Variants in DRAM1 observed in about 807,000 individuals in gnomAD.
DRAM1 encodes DNA damage regulated autophagy modulator 1.
DRAM1 carries 25 observed loss-of-function variants against 28.5 expected under a neutral mutation model. That is an observed-to-expected ratio of 0.88 (90% CI 0.64 to 1.23). DRAM1 has a LOEUF of 1.23. DRAM1 is among the 50% of genes most tolerant of loss of function. DRAM1 has a pLI of 0.00. For missense variants in DRAM1, 249 were observed against 299.2 expected, an observed-to-expected ratio of 0.83 and a Z score of 1.24; for synonymous variants, 113 against 114.2, an observed-to-expected ratio of 0.99 and a Z score of 0.07.
intron 1 of DRAM1, among the ~76,000 whole-genome samples, chr12:101,879,474 T>C (rs778442584): frequency 6.6e-6 from 1 of 152,208 alleles, no homozygotes; most frequent in African/African-American, 2.4e-5. Flanking sequence ...AGAGACAAAG[T>C]CTCACTATAT....
rs538033062 is a variant in DRAM1 at position 101,904,720 on chromosome 12, C to T, written c.342+3287C>T. Among the ~76,000 whole-genome samples, 13 of 152,034 alleles carry T rather than the reference C, an allele frequency of 8.6e-5. No individual in the cohort carries two copies. The South Asian group carries it at 2.7e-3, about 32-fold the overall frequency. On this transcript the variant is annotated intron_variant, in intron 3 of 6. Coordinates refer to ENST00000258534, the MANE Select transcript of DRAM1 (RefSeq NM_018370.3). The stretch of plus-strand genomic sequence containing the variant: ...CCTCCCAAAGTGCTGGGATTACAGG[C>T]GTGAGCCACCGCGCCTGGCTGATAG...
In DRAM1 at chr12:101,922,944, A is replaced by G. The variant is rs1566135325; in HGVS notation, c.*1684A>G. The G allele has an allele frequency of 6.6e-6, 1 of 152,086 alleles. No individual in the cohort carries two copies. The highest frequency in any genetic ancestry group is 1.9e-4 in the East Asian group (1 of 5,178). The allele number at this position is 152,086 out of a possible 1,614,324, so 9.4% of individuals were successfully genotyped here. A position where few individuals can be genotyped will look rare whatever the true frequency, so the allele number is the denominator to read the frequency against. ...AAAATCCCATCTCTACAACAAAAAT[A>G]CAAAAATTAGCCAAGTGCGGTGGTG... On this transcript the variant is annotated 3_prime_UTR_variant, in exon 7 of 7. Coordinates refer to ENST00000258534, the MANE Select transcript of DRAM1 (RefSeq NM_018370.3).
intron 1 of DRAM1, among the ~76,000 whole-genome samples, chr12:101,879,384 G>A (rs1489737568): frequency 6.6e-6 from 1 of 152,220 alleles, no homozygotes; most frequent in Non-Finnish European, 1.5e-5. Flanking sequence ...GCCTATGAAA[G>A]GAGATGTTAT....
At chr12:101,878,407 T>C (rs1872573980) in intron 1 of DRAM1, among the ~76,000 whole-genome samples, 1 of 152,198 alleles carries the variant, frequency 6.6e-6, no homozygotes, top group Non-Finnish European at 1.5e-5. Context: ...AACGTGACAC[T>C]GATGTCACAC....
At chr12:101,897,035 C>T (rs1873402416) in intron 1 of DRAM1, among the ~76,000 whole-genome samples, 2 of 152,102 alleles carry the variant, frequency 1.3e-5, no homozygotes, top group Non-Finnish European at 2.9e-5. Flanking sequence ...GATCCGCCCG[C>T]CTCAGCCTCC....
chr12:101,881,470 A>T (rs1426676511), intron 1 of DRAM1, among the ~76,000 whole-genome samples: 3 of 152,010 alleles, frequency 2.0e-5, no homozygotes, highest in African/African-American at 7.2e-5. Context: ...CTTGAGATTA[A>T]AAGTGTGCAC....
Position 101,920,104 on chromosome 12 carries a change from A to G in DRAM1, c.580-5A>G. On this transcript the variant is annotated splice_region_variant and splice_polypyrimidine_tract_variant and intron_variant, in intron 5 of 6. Transcript: ENST00000258534. ...CTAAATTCTGTTTCTTTATTATTGC[A>G]TTAGGATTATGTATATCACGTAGTG... is the stretch of plus-strand genomic sequence containing the variant. The G allele has an allele frequency of 3.8e-6, 6 of 1,582,184 alleles. No homozygotes were observed. Among genetic ancestry groups the G allele is most frequent in the South Asian group, 1.2e-5 (1 of 84,640 alleles).
At position 101,901,285 on chromosome 12, in the gene DRAM1, T is replaced by C. The variant is rs1274102799; in HGVS notation, c.200-6T>C. The C allele has an allele frequency of 1.2e-6, 2 of 1,607,610 alleles. No homozygotes were observed. The highest frequency in any genetic ancestry group is 4.5e-5 in the East Asian group (2 of 44,814). On this transcript the variant is annotated splice_region_variant and splice_polypyrimidine_tract_variant and intron_variant, in intron 2 of 6. Coordinates refer to ENST00000258534, the MANE Select transcript of DRAM1 (RefSeq NM_018370.3). ...GAACATTCATCAAAGTTCTCTTCTT[T>C]TTCAGGTGCAGCCACGATGTATACA...
intron 2 of DRAM1, among the ~76,000 whole-genome samples, chr12:101,901,081 GTGTGTGT>G (rs1873583159): frequency 6.4e-3 from 5 of 786 alleles, no homozygotes; most frequent in Admixed American, 0.023. Flanking sequence ...GCCAAGGGGT[GTGTGTGT>G]GTGTGTGTGT....
chr12:101,911,212 A>G (rs76086560), intron 4 of DRAM1, among the ~76,000 whole-genome samples: 14,320 of 152,146 alleles, frequency 0.094, 1,346 homozygotes, highest in East Asian at 0.24. Context: ...TCCAGCCCAG[A>G]TGACAGAGTG....
At chr12:101,914,080 C>A in intron 4 of DRAM1, 94 bp from the exon 5 acceptor site, 1 of 723,440 alleles carries the variant, frequency 1.4e-6, no homozygotes, top group Non-Finnish European at 2.1e-6. Flanking sequence ...ATTTTAACAC[C>A]TTATAATGAT....
chr12:101,902,675 AT>A (rs1873649782), intron 3 of DRAM1, among the ~76,000 whole-genome samples: 1 of 152,226 alleles, frequency 6.6e-6, no homozygotes, highest in Admixed American at 6.5e-5. Flanking sequence ...TGGTTAAATA[AT>A]TTCAACTTTT....
At chr12:101,884,873 A>T (rs1872826669) in intron 1 of DRAM1, among the ~76,000 whole-genome samples, 1 of 152,230 alleles carries the variant, frequency 6.6e-6, no homozygotes, top group African/African-American at 2.4e-5. Context: ...AACAATCACA[A>T]ATTTTGGGTT....
At chr12:101,896,986 C>T (rs1388697663) in intron 1 of DRAM1, among the ~76,000 whole-genome samples, 2 of 151,990 alleles carry the variant, frequency 1.3e-5, no homozygotes, top group Admixed American at 1.3e-4. Context: ...GAGGCTTCTC[C>T]ATGTTGGTCA....
At chr12:101,901,509 G>A in intron 3 of DRAM1, 76 bp downstream of exon 3, 1 of 1,524,712 alleles carries the variant, frequency 6.6e-7, no homozygotes, top group African/African-American at 1.4e-5. Context: ...AAATGCAAGA[G>A]GCACACTTAT....
intron 1 of DRAM1, among the ~76,000 whole-genome samples, chr12:101,890,775 G>T (rs7316411): frequency 0.64 from 93,199 of 146,152 alleles, 31,299 homozygotes; most frequent in East Asian, 0.91. Context: ...TTTTGAGTCG[G>T]CGTCTTGCTC....
intron 1 of DRAM1, among the ~76,000 whole-genome samples, chr12:101,895,193 T>TTTTTTTTG (rs1873307677): frequency 1.6e-5 from 2 of 125,506 alleles, no homozygotes; most frequent in Admixed American, 7.6e-5. Context: ...CAGGTTTTTT[T>TTTTTTTTG]TTTTTTTTTT....
intron 1 of DRAM1, among the ~76,000 whole-genome samples, chr12:101,895,186 G>GTTTTTTTTTTTTTTT (rs574722379): frequency 1.6e-4 from 12 of 75,734 alleles, no homozygotes; most frequent in East Asian, 6.6e-4. Context: ...AACCCTTCAG[G>GTTTTTTTTTTTTTTT]TTTTTTTTTT....
chr12:101,883,888 T>C (rs1470863912), intron 1 of DRAM1, among the ~76,000 whole-genome samples: 1 of 151,044 alleles, frequency 6.6e-6, no homozygotes, highest in African/African-American at 2.4e-5. Flanking sequence ...TGGACCGAGA[T>C]TGTGCCACTG....
Sources: allele counts gnomAD v4.1 joint callset (sites outside exome capture counted in the v4.1 genomes callset), GRCh38; gene constraint gnomAD v4.1.1; transcripts MANE v1.5; gene names NCBI Gene and HGNC (gene_info 2026-07-23, HGNC 2026-07-21).